Variants in PTPRS observed in about 807,000 individuals in gnomAD.
The protein encoded by PTPRS is protein tyrosine phosphatase receptor type S, also known as receptor-type tyrosine-protein phosphatase S.
Under a neutral mutation model 215.3 loss-of-function variants are expected in PTPRS, and 63 were observed. The ratio of observed to expected loss-of-function variants is 0.29; its 90% CI spans 0.24 to 0.36. PTPRS has a LOEUF of 0.36. Ranked by LOEUF, PTPRS falls within the 10% of genes least tolerant of loss-of-function variation. PTPRS has a pLI of 1.00. For synonymous variants in PTPRS, 1,404 were observed against 1,191.4 expected (o/e 1.18, Z -3.68); for missense variants, 2,258 against 2,825.8 (o/e 0.80, Z 4.56).
At chr19:5,261,199 A>AC (rs886474909) in intron 6 of PTPRS, among the ~76,000 whole-genome samples, 6 of 150,894 alleles carry the variant, frequency 4.0e-5, no homozygotes, top group South Asian at 2.1e-4. Flanking sequence ...GAGGTTCATC[A>AC]CCCCCCCTTC....
chr19:5,333,290 G>T (rs1049555826), intron 1 of PTPRS, among the ~76,000 whole-genome samples: 1 of 150,790 alleles, frequency 6.6e-6, no homozygotes, highest in Admixed American at 6.6e-5. Flanking sequence ...GAGCAATATG[G>T]TGAAACCCAT....
Position 5,222,173 on chromosome 19 carries a change from G to A in PTPRS, c.3151C>T (p.Leu1051=), listed in dbSNP as rs146080105. 3.2e-5 allele frequency: 52 copies of A among 1,613,964 alleles called. No homozygotes were observed. Among genetic ancestry groups the A allele is most frequent in the Middle Eastern group, 1.6e-4 (1 of 6,084 alleles). Residue 1051 remains leucine (L), a synonymous_variant, in exon 19 of 38, where the codon CTG becomes TTG. Transcript: ENST00000262963. The part of the protein sequence containing the change: ...KVKMIMKTSV[L]LSWEFPDNYN... ...TTGTCAGGGAACTCCCAGCTGAGCA[G>A]AACTGATGTCTTCATGATCATTTTC...
rs552292800 is a variant in PTPRS, at chr19:5,338,529, A to G, written c.-95+2135T>C. Among the ~76,000 whole-genome samples, 81 of 152,086 alleles carry G rather than the reference A, an allele frequency of 5.3e-4. No individual in the cohort carries two copies. Among genetic ancestry groups the G allele is most frequent in the South Asian group, 3.5e-3 (17 of 4,820 alleles). On this transcript the variant is annotated intron_variant, in intron 1 of 37. Coordinates refer to ENST00000262963, the MANE Select transcript of PTPRS (RefSeq NM_002850.4). This position sits in a 1 kb window ranked among gnomAD's most constrained non-coding sequence, Gnocchi z 4.2. The stretch of plus-strand genomic sequence containing the variant: ...AGGGCAGCGGGGGGGTAGGGGAGGG[A>G]TGCCCAGGTGGGGACTCAGTCAGGC...
chr19:5,260,858 C>T, intron 6 of PTPRS, 36 bp from the exon 7 acceptor site: 1 of 1,565,634 alleles, frequency 6.4e-7, no homozygotes, highest in Non-Finnish European at 8.7e-7. Context: ...GTGAATGTCA[C>T]AAGGCGGTTG....
rs980903426 is a variant in PTPRS at position 5,287,452 on chromosome 19, C to T, written c.-94-1218G>A. 3.9e-5 allele frequency among the ~76,000 whole-genome samples: 6 copies of T among 152,164 alleles called. No individual in the cohort carries two copies. Among genetic ancestry groups the T allele is most frequent in the Non-Finnish European group, 7.4e-5 (5 of 68,008 alleles). On this transcript the variant is annotated intron_variant, in intron 1 of 37. Transcript: ENST00000262963. This position sits in a 1 kb window ranked among gnomAD's most constrained non-coding sequence, Gnocchi z 4.8. ...CACATACCTTGAACCCTGGAATGGC[C>T]CCCTCCCCATCTCCCCAATCTCCAC...
chr19:5,335,290 T>C (rs1600153371), intron 1 of PTPRS, among the ~76,000 whole-genome samples: 1 of 152,160 alleles, frequency 6.6e-6, no homozygotes, highest in Non-Finnish European at 1.5e-5. Flanking sequence ...CAGCATCTCA[T>C]GTCAAGGCTC....
chr19:5,229,247 G>A, intron 16 of PTPRS, 69 bp downstream of exon 16: 4 of 1,330,898 alleles, frequency 3.0e-6, no homozygotes, highest in South Asian at 5.1e-5. Context: ...GGGGCGTGCA[G>A]GAGTCACAGC....
At chr19:5,283,758 G>A (rs2048080896) in intron 2 of PTPRS, among the ~76,000 whole-genome samples, 1 of 152,088 alleles carries the variant, frequency 6.6e-6, no homozygotes, top group African/African-American at 2.4e-5. Flanking sequence ...TGGCCTGTGG[G>A]ACCAGGCAGC....
At chr19:5,302,647 C>T (rs577657034) in intron 1 of PTPRS, among the ~76,000 whole-genome samples, 6 of 152,274 alleles carry the variant, frequency 3.9e-5, no homozygotes, top group Middle Eastern at 3.4e-3. Flanking sequence ...TCTTCCCTGA[C>T]GTGTTAGGAG....
At position 5,244,914 on chromosome 19, in the gene PTPRS, C is replaced by G. The variant is rs970384138; in HGVS notation, c.989-432G>C. Among the ~76,000 whole-genome samples, 4 of 152,024 alleles carry G rather than the reference C, an allele frequency of 2.6e-5. No individual in the cohort carries two copies. The highest frequency in any genetic ancestry group is 5.9e-5 in the Non-Finnish European group (4 of 68,024). ...CGATCTCCTGACCTCGTGATCCGCCCGCCTCGGCCTCCCGAAGTGCTGGGA... is the reference window on the plus strand; with the variant it reads ...CGATCTCCTGACCTCGTGATCCGCCGGCCTCGGCCTCCCGAAGTGCTGGGA... On this transcript the variant is annotated intron_variant, in intron 10 of 37. Coordinates refer to ENST00000262963, the MANE Select transcript of PTPRS (RefSeq NM_002850.4). This position sits in a 1 kb window ranked among gnomAD's most constrained non-coding sequence, Gnocchi z 7.2.
intron 1 of PTPRS, among the ~76,000 whole-genome samples, chr19:5,331,562 C>T (rs1046235255): frequency 6.6e-6 from 1 of 152,134 alleles, no homozygotes; most frequent in African/African-American, 2.4e-5. Flanking sequence ...CCAGCAGCAC[C>T]CCCCTGGACA....
rs768143805 is a variant in PTPRS, at chr19:5,258,204, T to C, written c.596-77A>G. On this transcript the variant is annotated intron_variant, in intron 7 of 37. Coordinates refer to ENST00000262963, the MANE Select transcript of PTPRS (RefSeq NM_002850.4). Reference sequence around the variant, plus strand: ...AACAGGGAAAGCTCCCCCACCAGAGTGCTCTCTGGCCTGTCTCCTGTGCTG... The same window carrying C: ...AACAGGGAAAGCTCCCCCACCAGAGCGCTCTCTGGCCTGTCTCCTGTGCTG... The C allele has an allele frequency of 1.4e-5, 17 of 1,226,560 alleles. 1 individual carries two copies. The South Asian group carries it at 2.1e-4, about 15-fold the overall frequency. 76.0% of individuals were successfully genotyped at this position (1,226,560 alleles called of 1,614,324 possible). A position where few individuals can be genotyped will look rare whatever the true frequency, so the allele number is the denominator to read the frequency against.
intron 7 of PTPRS, among the ~76,000 whole-genome samples, chr19:5,259,494 C>A (rs1025682567): frequency 1.3e-5 from 2 of 152,096 alleles, no homozygotes; most frequent in African/African-American, 2.4e-5. Context: ...AAATTATAGG[C>A]CTTGATAAAA....
intron 1 of PTPRS, among the ~76,000 whole-genome samples, chr19:5,307,957 C>G (rs2049554439): frequency 6.6e-6 from 1 of 152,130 alleles, no homozygotes; most frequent in African/African-American, 2.4e-5. Context: ...CAGAGATCAT[C>G]CGGCCGGCAA....
intron 3 of PTPRS, 91 bp from the exon 4 acceptor site, chr19:5,273,674 T>C (rs1330169342): frequency 1.4e-6 from 2 of 1,475,960 alleles, no homozygotes; most frequent in South Asian, 2.5e-5. Flanking sequence ...TGTAGGGGAA[T>C]GGCAGTCAGC....
chr19:5,217,605 A>AAAGAC (rs1169277176), intron 25 of PTPRS, among the ~76,000 whole-genome samples: 14 of 152,366 alleles, frequency 9.2e-5, no homozygotes, highest in Admixed American at 2.6e-4. Context: ...AAGGAGGACT[A>AAAGAC]AAGACATCAG....
At chr19:5,222,584 G>A in intron 18 of PTPRS, 105 bp downstream of exon 18, 1 of 1,263,578 alleles carries the variant, frequency 7.9e-7, no homozygotes, top group Non-Finnish European at 1.0e-6. Flanking sequence ...CCACGAGGAA[G>A]CAGAAAAGTG....
chr19:5,315,143 C>A (rs982953243), intron 1 of PTPRS, among the ~76,000 whole-genome samples: 1 of 152,044 alleles, frequency 6.6e-6, no homozygotes, highest in African/African-American at 2.4e-5. Flanking sequence ...TCTACCTTCA[C>A]TTCTTAGATC....
rs763791689 is a variant in PTPRS, at chr19:5,223,163, G to T, written c.2629C>A (p.Pro877Thr). The T allele has an allele frequency of 1.3e-6, 2 of 1,569,266 alleles. No homozygotes were observed. The highest frequency in any genetic ancestry group is 3.6e-5 in the Admixed American group (2 of 54,912). ...GGCGGGAACTCCAGGGTGGCCAGGG[G>T]CGTCGAGTCCTCACGGCCAAACTGC... ...RLQFGREDST[P>T]LATLEFPPSE... The change falls in exon 18 of 38, where the codon CCC becomes ACC. Residue 877 changes from proline (P) to threonine (T), a missense_variant. This residue lies in a region of PTPRS where 361 missense variants were observed against 332.6 expected (regional missense o/e 1.09). Transcript: ENST00000262963.
Sources: gnomAD v4.1 joint callset for allele counts (sites outside exome capture counted in the v4.1 genomes callset) on GRCh38, gnomAD v4.1.1 for gene constraint, gnomAD v4.1.1 regional missense constraint, Gnocchi (gnomAD v3.1) non-coding constraint, MANE v1.5 for transcripts, NCBI Gene and HGNC (gene_info 2026-07-23, HGNC 2026-07-21) for gene names.